VPS41: variants seen among roughly 807,000 people sequenced by gnomAD.
VPS41 encodes vacuolar protein sorting-associated protein 41 homolog.
VPS41 carries 85 observed loss-of-function variants against 130.9 expected under a neutral mutation model. The ratio of observed to expected loss-of-function variants is 0.65; its 90% confidence interval spans 0.55 to 0.78. VPS41 has a LOEUF of 0.78. Among genes scored for constraint, VPS41 ranks in the 30% least tolerant of loss-of-function variants. The probability of loss-of-function intolerance (pLI) is 0.00; values close to 1 mark genes in which losing one functional copy is unlikely to be tolerated. For missense variants in VPS41, 874 were observed against 1,018.7 expected (o/e 0.86, Z 1.93); for synonymous variants, 335 against 332.9 (o/e 1.01, Z -0.07).
chr7:38,771,982 T>C (rs1784162079), intron 13 of VPS41, among the ~76,000 whole-genome samples: 1 of 151,204 alleles, frequency 6.6e-6, no homozygotes, highest in Non-Finnish European at 1.5e-5. Flanking sequence ...TTGTTTTAAA[T>C]TAGTATATAA....
chr7:38,831,003 G>A (rs909312336), intron 4 of VPS41, among the ~76,000 whole-genome samples: 25 of 152,174 alleles, frequency 1.6e-4, no homozygotes, highest in Non-Finnish European at 3.4e-4. Context: ...AATCTACAAA[G>A]AAAGCAAAAG....
chr7:38,868,340 A>G (rs137937032), intron 3 of VPS41, among the ~76,000 whole-genome samples: 8 of 152,360 alleles, frequency 5.3e-5, no homozygotes, highest in Middle Eastern at 6.8e-3. Context: ...TGTTGGGGGT[A>G]CAGGACTCTA....
chr7:38,732,079 C>A (rs1226480749), intron 25 of VPS41, among the ~76,000 whole-genome samples: 1 of 152,092 alleles, frequency 6.6e-6, no homozygotes, highest in Non-Finnish European at 1.5e-5. Context: ...AAAAGCAAAG[C>A]CTCATTAGGA....
chr7:38,814,422 G>A (rs1169077888), intron 7 of VPS41, among the ~76,000 whole-genome samples: 5 of 152,114 alleles, frequency 3.3e-5, no homozygotes, highest in Non-Finnish European at 5.9e-5. Context: ...AAGGCCGAGC[G>A]GATGGATCAC....
chr7:38,740,609 G>A (rs1362546102), intron 25 of VPS41, among the ~76,000 whole-genome samples: 2 of 152,120 alleles, frequency 1.3e-5, no homozygotes, highest in Non-Finnish European at 2.9e-5. Flanking sequence ...TGCGGAACAG[G>A]TAATCTACTT....
intron 27 of VPS41, chr7:38,728,262 T>C (rs1332016573): frequency 1.7e-6 from 1 of 592,734 alleles, no homozygotes. Context: ...CCCTGGAAGT[T>C]TGGAACCAGA....
At chr7:38,745,895 T>G in intron 22 of VPS41, 6 of 324,428 alleles carry the variant, frequency 1.8e-5, no homozygotes, top group East Asian at 7.7e-5. Flanking sequence ...GAAAGGGCCT[T>G]TCCCACTAAG....
At chr7:38,792,086 G>C (rs1047844895) in intron 9 of VPS41, among the ~76,000 whole-genome samples, 1 of 152,194 alleles carries the variant, frequency 6.6e-6, no homozygotes, top group African/African-American at 2.4e-5. Context: ...TCATGCCACA[G>C]CTTGAGAACA....
At position 38,769,097 on chromosome 7, in the gene VPS41, T is replaced by C. The variant is rs77736893; in HGVS notation, c.1186-1499A>G. ...AATTCACTACTTTCATATCACCAAA[T>C]CCAGTGTACAACTGACCAGCTGACC... On this transcript the variant is annotated intron_variant, in intron 14 of 28. Transcript: ENST00000310301. Among the ~76,000 whole-genome samples, 1,266 of 152,210 alleles carry C rather than the reference T, an allele frequency of 8.3e-3. 19 individuals carry two copies. Among genetic ancestry groups the C allele is most frequent in the African/African-American group, 0.029 (1,214 of 41,538 alleles).
chr7:38,756,729 G>T, intron 19 of VPS41, 109 bp downstream of exon 19: 1 of 839,782 alleles, frequency 1.2e-6, no homozygotes, highest in Non-Finnish European at 1.8e-6. Context: ...TCGGCATAAA[G>T]CCAAGTTATG....
chr7:38,819,289 A>T (rs570247200), intron 6 of VPS41, among the ~76,000 whole-genome samples: 113 of 152,262 alleles, frequency 7.4e-4, no homozygotes, highest in Middle Eastern at 6.8e-3. Flanking sequence ...TTCCAAGATT[A>T]TCTTCCCTAC....
At chr7:38,770,146 G>A (rs1332571428) in intron 14 of VPS41, among the ~76,000 whole-genome samples, 1 of 152,058 alleles carries the variant, frequency 6.6e-6, no homozygotes, top group Non-Finnish European at 1.5e-5. Context: ...GCGCATGCCT[G>A]TAGTCCCAGC....
intron 5 of VPS41, among the ~76,000 whole-genome samples, chr7:38,828,429 A>G (rs1038832486): frequency 1.3e-5 from 2 of 152,214 alleles, no homozygotes; most frequent in Non-Finnish European, 2.9e-5. Context: ...AAATAACCCT[A>G]ATAAATAATT....
At chr7:38,836,048 G>A (rs1785484729) in intron 4 of VPS41, among the ~76,000 whole-genome samples, 1 of 151,620 alleles carries the variant, frequency 6.6e-6, no homozygotes. Flanking sequence ...TTCTCATTTT[G>A]TAAAATATGT....
intron 22 of VPS41, among the ~76,000 whole-genome samples, chr7:38,750,686 TC>T (rs1417413988): frequency 8.5e-5 from 13 of 152,256 alleles, no homozygotes; most frequent in Admixed American, 3.3e-4. Flanking sequence ...CAGGGTGTCT[TC>T]CACTGAGTAC....
chr7:38,762,935 G>A (rs1347465274), intron 17 of VPS41, among the ~76,000 whole-genome samples: 7 of 152,178 alleles, frequency 4.6e-5, no homozygotes, highest in Admixed American at 6.5e-5. Flanking sequence ...TAACTTTGAC[G>A]ATAAAGGATT....
intron 10 of VPS41, among the ~76,000 whole-genome samples, chr7:38,782,888 G>A (rs923380308): frequency 2.0e-5 from 3 of 151,886 alleles, no homozygotes; most frequent in African/African-American, 7.3e-5. Context: ...AGGCCGAGGT[G>A]GACGGATCAC....
chr7:38,752,446 A>G (rs1783696162), intron 21 of VPS41, 133 bp from the exon 22 acceptor site: 1 of 1,040,784 alleles, frequency 9.6e-7, no homozygotes, highest in Non-Finnish European at 1.4e-6. Context: ...GAAAACCTCT[A>G]GGTGATGGAG....
Position 38,832,754 on chromosome 7 carries a change from T to C in VPS41, c.247-2426A>G, listed in dbSNP as rs11975860. On this transcript the variant is annotated intron_variant, in intron 4 of 28. Transcript: ENST00000310301. ...TGGAGCACGTAGCACCACTGGTAATTCCTGACTTCCATATCTCATGGTTCA... is the reference window on the plus strand; with the variant it reads ...TGGAGCACGTAGCACCACTGGTAATCCCTGACTTCCATATCTCATGGTTCA... Among the ~76,000 whole-genome samples, 553 of 152,308 alleles carry C rather than the reference T, an allele frequency of 3.6e-3. 1 individual carries two copies. The highest frequency in any genetic ancestry group is 0.012 in the African/African-American group (496 of 41,562).
Sources: gnomAD v4.1 joint callset for allele counts (sites outside exome capture counted in the v4.1 genomes callset) on GRCh38, gnomAD v4.1.1 for gene constraint, MANE v1.5 for transcripts, NCBI Gene and HGNC (gene_info 2026-07-23, HGNC 2026-07-21) for gene names.